Variants in SLC16A7 observed in about 807,000 individuals in gnomAD.
SLC16A7 encodes solute carrier family 16 member 7, also known as monocarboxylate transporter 2.
SLC16A7 carries 33 observed loss-of-function variants against 34.9 expected under a neutral mutation model. That is an observed-to-expected ratio of 0.94 (90% confidence interval 0.72 to 1.26). The LOEUF is 1.26. Among genes scored for constraint, SLC16A7 ranks in the 50% most tolerant of loss-of-function variants. The pLI, the probability that SLC16A7 is intolerant of heterozygous loss-of-function variation, is 0.00. For synonymous variants in SLC16A7, 201 were observed against 206.6 expected, an observed-to-expected ratio of 0.97 and a Z score of 0.23; for missense variants, 573 against 578.1, an observed-to-expected ratio of 0.99 and a Z score of 0.09.
chr12:59,729,055 T>G lies in SLC16A7; in HGVS notation c.217+24037T>G, dbSNP rs187674492. On this transcript the variant is annotated intron_variant, in intron 3 of 5. Transcript: ENST00000547379. ...ATACCTTTTCACTTCAGGTTATTAG[T>G]GGTGCCATTAAGTTGGGTGAAAGTT... 2.3e-3 allele frequency among the ~76,000 whole-genome samples: 358 copies of G among 152,356 alleles called. 1 individual carries two copies. Among genetic ancestry groups the G allele is most frequent in the African/African-American group, 7.2e-3 (299 of 41,584 alleles).
chr12:59,719,587 TTAAA>T (rs1263510119), intron 3 of SLC16A7: 1 of 152,270 alleles, frequency 6.6e-6, no homozygotes, highest in Non-Finnish European at 1.5e-5. Flanking sequence ...AACAAAAGTA[TTAAA>T]TATATATTTT....
At chr12:59,667,672 T>A (rs1459934013) in intron 2 of SLC16A7, among the ~76,000 whole-genome samples, 1 of 152,210 alleles carries the variant, frequency 6.6e-6, no homozygotes, top group Non-Finnish European at 1.5e-5. Flanking sequence ...AAAACCCATT[T>A]TCTGGGGAGA....
At chr12:59,646,297 G>C (rs1868250697) in intron 1 of SLC16A7, among the ~76,000 whole-genome samples, 1 of 152,178 alleles carries the variant, frequency 6.6e-6, no homozygotes, top group Non-Finnish European at 1.5e-5. Flanking sequence ...CCCCCCTGCT[G>C]TGTGCAGCCT....
Position 59,781,331 on chromosome 12 carries a change from C to G in SLC16A7, c.*1652C>G, listed in dbSNP as rs1486596122. On this transcript the variant is annotated 3_prime_UTR_variant, in exon 6 of 6. Transcript: ENST00000547379. The stretch of plus-strand genomic sequence containing the variant: ...TAGTGCTTGACAAAGTAGTGTCACT[C>G]TTAAGATGTCAAAGGGAATTAGCCA... 6.6e-6 allele frequency: 1 copy of G among 152,420 alleles called. No homozygotes were observed. Among genetic ancestry groups the G allele is most frequent in the South Asian group, 2.1e-4 (1 of 4,828 alleles). 9.4% of individuals were successfully genotyped at this position (152,420 alleles called of 1,614,324 possible).
At chr12:59,772,521 C>G (rs1882332975) in intron 4 of SLC16A7, among the ~76,000 whole-genome samples, 1 of 150,760 alleles carries the variant, frequency 6.6e-6, no homozygotes, top group Non-Finnish European at 1.5e-5. Context: ...CTCTTAAATA[C>G]TTTGATGCCC....
At chr12:59,610,298 A>G (rs542897309) in intron 1 of SLC16A7, among the ~76,000 whole-genome samples, 140 of 152,348 alleles carry the variant, frequency 9.2e-4, no homozygotes, top group African/African-American at 3.3e-3. Flanking sequence ...ACTTAAAAGA[A>G]TGAGAAAAAT....
Position 59,783,951 on chromosome 12 carries a change from T to C in SLC16A7, c.*4272T>C, listed in dbSNP as rs1174273050. The C allele has an allele frequency of 6.6e-6, 1 of 152,214 alleles. No homozygotes were observed. Among genetic ancestry groups the C allele is most frequent in the Non-Finnish European group, 1.5e-5 (1 of 68,086 alleles). 9.4% of individuals were successfully genotyped at this position (152,214 alleles called of 1,614,324 possible). The stretch of plus-strand genomic sequence containing the variant: ...GCCTCTGCCTCCCAAAGTGCTGGGA[T>C]TACAGGCGTGAGCCACTGCGCCCAG... On this transcript the variant is annotated 3_prime_UTR_variant, in exon 6 of 6. Coordinates refer to ENST00000547379, the MANE Select transcript of SLC16A7 (RefSeq NM_001270623.2).
At chr12:59,714,149 C>A (rs1047472806) in intron 3 of SLC16A7, among the ~76,000 whole-genome samples, 1 of 152,038 alleles carries the variant, frequency 6.6e-6, no homozygotes, top group Non-Finnish European at 1.5e-5. Flanking sequence ...TTGTGAAAGC[C>A]GTGGAAGAGT....
intron 3 of SLC16A7, among the ~76,000 whole-genome samples, chr12:59,765,464 A>C (rs1881499502): frequency 6.6e-6 from 1 of 152,166 alleles, no homozygotes; most frequent in African/African-American, 2.4e-5. Flanking sequence ...TTATGGTTTT[A>C]GGTCTAACAT....
chr12:59,673,901 T>A (rs1056663123), intron 2 of SLC16A7, among the ~76,000 whole-genome samples: 5 of 152,128 alleles, frequency 3.3e-5, no homozygotes, highest in African/African-American at 1.2e-4. Context: ...CTTGTTGGAT[T>A]TTTTTACTCT....
chr12:59,630,994 C>A (rs138392846), intron 1 of SLC16A7, among the ~76,000 whole-genome samples: 85 of 151,906 alleles, frequency 5.6e-4, no homozygotes, highest in African/African-American at 2.0e-3. Context: ...TACATATTAA[C>A]CTCTTAGGTA....
chr12:59,616,353 T>C (rs185740634), intron 1 of SLC16A7, among the ~76,000 whole-genome samples: 2 of 152,306 alleles, frequency 1.3e-5, no homozygotes. Context: ...AATTAAAGAA[T>C]GATAACAATT....
intron 2 of SLC16A7, among the ~76,000 whole-genome samples, chr12:59,677,052 C>CGT (rs1178859634): frequency 4.0e-5 from 6 of 151,808 alleles, no homozygotes; most frequent in Non-Finnish European, 5.9e-5. Context: ...GCCCATTGCT[C>CGT]GTGTGTGTGT....
intron 3 of SLC16A7, among the ~76,000 whole-genome samples, chr12:59,738,481 T>C (rs1877866462): frequency 6.6e-6 from 1 of 152,196 alleles, no homozygotes; most frequent in Non-Finnish European, 1.5e-5. Flanking sequence ...GTTTTTATTT[T>C]CTGCAACTGG....
chr12:59,675,916 G>GATAT (rs143600006), intron 2 of SLC16A7, among the ~76,000 whole-genome samples: 2 of 147,928 alleles, frequency 1.4e-5, no homozygotes, highest in Admixed American at 1.3e-4. Flanking sequence ...AAATTCCCCA[G>GATAT]ATATATATAT....
chr12:59,633,045 T>C (rs890723302), intron 1 of SLC16A7, among the ~76,000 whole-genome samples: 8 of 151,986 alleles, frequency 5.3e-5, no homozygotes, highest in African/African-American at 1.9e-4. Context: ...TGAAGAATAA[T>C]AATTCTGATG....
chr12:59,676,893 G>A lies in SLC16A7; in HGVS notation c.-31+21643G>A, dbSNP rs112847043. On this transcript the variant is annotated intron_variant, in intron 2 of 5. Coordinates refer to ENST00000547379, the MANE Select transcript of SLC16A7 (RefSeq NM_001270623.2). ...AAGTAACATTTGCATAAGGTAGAAAGCATATTAACATAATTAATATCCAGA... is the reference window on the plus strand; with the variant it reads ...AAGTAACATTTGCATAAGGTAGAAAACATATTAACATAATTAATATCCAGA... Among the ~76,000 whole-genome samples the A allele has an allele frequency of 1.1e-3, 160 of 152,172 alleles. 5 individuals carry two copies. The highest frequency in any genetic ancestry group is 3.6e-3 in the African/African-American group (149 of 41,522).
At chr12:59,691,812 T>C (rs988616384) in intron 2 of SLC16A7, among the ~76,000 whole-genome samples, 13 of 152,138 alleles carry the variant, frequency 8.5e-5, no homozygotes, top group South Asian at 4.1e-4. Context: ...CTAATGACTT[T>C]CAGTTTGCCA....
At chr12:59,769,053 C>T (rs573473917) in intron 3 of SLC16A7, 3 of 152,208 alleles carry the variant, frequency 2.0e-5, no homozygotes, top group East Asian at 1.9e-4. Flanking sequence ...ACTGCCAACC[C>T]TGATCAGTCA....
Sources: allele counts gnomAD v4.1 joint callset (sites outside exome capture counted in the v4.1 genomes callset), GRCh38; gene constraint gnomAD v4.1.1; transcripts MANE v1.5; gene names NCBI Gene and HGNC (gene_info 2026-07-23, HGNC 2026-07-21).